Variants in TTC19 observed in about 807,000 individuals in gnomAD.
The protein encoded by TTC19 is tetratricopeptide repeat domain 19, also known as tetratricopeptide repeat protein 19, mitochondrial.
A neutral mutation model predicts 49.5 loss-of-function variants in TTC19; 38 were observed. That is an observed-to-expected ratio of 0.77 (90% CI 0.59 to 1.01). The LOEUF (loss-of-function observed/expected upper bound fraction) is 1.01, where lower values mean the gene tolerates loss of function less well. Among genes scored for constraint, TTC19 ranks in the 50% least tolerant of loss-of-function variants. The probability of loss-of-function intolerance (pLI) is 0.00; values close to 1 mark genes in which losing one functional copy is unlikely to be tolerated. For missense variants in TTC19, 475 were observed against 477.7 expected (o/e 0.99, Z 0.05); for synonymous variants, 204 against 185.2 (o/e 1.10, Z -0.83).
chr17:16,039,892 G>A (rs898950286), intron 2 of TTC19: 4 of 457,256 alleles, frequency 8.7e-6, no homozygotes, highest in Admixed American at 6.8e-5. Flanking sequence ...CCAGATTCAA[G>A]GGATTCTCCT....
chr17:16,025,295 C>A, intron 8 of TTC19, 124 bp downstream of exon 8: 1 of 1,003,718 alleles, frequency 1.0e-6, no homozygotes, highest in Non-Finnish European at 1.5e-6. Context: ...GGTCCCCAGT[C>A]TACTCATTTT....
At position 16,028,838 on chromosome 17, in the gene TTC19, A is replaced by AAAAAAAAAC. The variant is rs756677769; in HGVS notation, c.*1317_*1325dup. On this transcript the variant is annotated 3_prime_UTR_variant, in exon 10 of 10. Transcript: ENST00000261647. ...TTTCTCAAAAAAAAAAAAAAAAAAAAAAAAAAAACTTTCTGAAGAAAATAA... is the reference window on the plus strand; with the variant it reads ...TTTCTCAAAAAAAAAAAAAAAAAAAAAAAAAAAACAAAAAAAACTTTCTGAAGAAAATAA... The AAAAAAAAAC allele has an allele frequency of 5.3e-6, 2 of 377,236 alleles. No individual in the cohort carries two copies. The highest frequency in any genetic ancestry group is 1.9e-5 in the South Asian group (1 of 51,340). 23.4% of individuals were successfully genotyped at this position (377,236 alleles called of 1,614,324 possible).
At chr17:16,030,852 C>T (rs1036503375), downstream of TTC19, 1 of 187,330 alleles carries the variant, frequency 5.3e-6, no homozygotes, top group Non-Finnish European at 1.1e-5. Context: ...AGAGCTGCTT[C>T]CTTAAAAGCC....
intron 7 of TTC19, among the ~76,000 whole-genome samples, chr17:16,017,654 G>A (rs955038616): frequency 6.6e-5 from 10 of 151,916 alleles, no homozygotes; most frequent in African/African-American, 2.2e-4. Flanking sequence ...TCAGCTACTC[G>A]GGAGGCTGAA....
In TTC19 at chr17:16,000,142, C is replaced by T. The variant is rs1460960356; in HGVS notation, c.209C>T (p.Ala70Val). The T allele has an allele frequency of 6.3e-7, 1 of 1,580,122 alleles. No homozygotes were observed. Among genetic ancestry groups the T allele is most frequent in the East Asian group, 2.3e-5 (1 of 44,218 alleles). The change falls in exon 2 of 10, where the codon GCT (alanine) becomes GTT (valine). Residue 70 changes from alanine (A) to valine (V), a missense_variant. Ala to Val is a moderately conservative substitution (Grantham distance 64). Coordinates refer to ENST00000261647, the MANE Select transcript of TTC19 (RefSeq NM_017775.4). ...LAALAWFSRPAAAEEEEQQGA... is the reference protein window; with the variant it reads ...LAALAWFSRPVAAEEEEQQGA... ...GCGCTCGCCTGGTTCTCGAGGCCCGCTGCGGCAGAGGAGGAGGAGCAGCAG... is the reference window on the plus strand; with the variant it reads ...GCGCTCGCCTGGTTCTCGAGGCCCGTTGCGGCAGAGGAGGAGGAGCAGCAG...
chr17:16,011,837 T>C (rs1386332766), intron 7 of TTC19, among the ~76,000 whole-genome samples: 1 of 152,214 alleles, frequency 6.6e-6, no homozygotes, highest in Non-Finnish European at 1.5e-5. Context: ...AATGAGTTAA[T>C]ACATAAAACG....
At chr17:16,008,176 A>C (rs1258608458) in intron 7 of TTC19, among the ~76,000 whole-genome samples, 1 of 152,138 alleles carries the variant, frequency 6.6e-6, no homozygotes, top group Non-Finnish European at 1.5e-5. Context: ...CCATAGTTTT[A>C]AATATTAGAT....
Position 16,028,422 on chromosome 17 carries a change from G to T in TTC19, c.*900G>T, listed in dbSNP as rs1324445298. ...CCTGGATCTTAGTCCTAGCCTTTTT[G>T]CTTTTGCAATTTCAGTATCTTCATC... On this transcript the variant is annotated 3_prime_UTR_variant, in exon 10 of 10. Transcript: ENST00000261647. 1 of 453,838 alleles carries T rather than the reference G, an allele frequency of 2.2e-6. No individual in the cohort carries two copies. The highest frequency in any genetic ancestry group is 4.4e-6 in the Non-Finnish European group (1 of 226,754). The allele number at this position is 453,838 out of a possible 1,614,324, so 28.1% of individuals were successfully genotyped here. A position where few individuals can be genotyped will look rare whatever the true frequency, so the allele number is the denominator to read the frequency against.
intron 2 of TTC19, among the ~76,000 whole-genome samples, chr17:16,044,184 A>AG (rs2058254612): frequency 6.6e-6 from 1 of 151,654 alleles, no homozygotes; most frequent in Non-Finnish European, 1.5e-5. Context: ...AAAAAAAAAA[A>AG]AAAAGAAAGA....
chr17:16,038,090 A>G (rs1016958828), intron 2 of TTC19, among the ~76,000 whole-genome samples: 1 of 152,186 alleles, frequency 6.6e-6, no homozygotes, highest in Non-Finnish European at 1.5e-5. Context: ...TAAGACCTCT[A>G]ATCTCTTTAA....
At chr17:16,022,022 G>GT (rs1597465564) in intron 7 of TTC19, among the ~76,000 whole-genome samples, 1 of 152,228 alleles carries the variant, frequency 6.6e-6, no homozygotes, top group East Asian at 1.9e-4. Context: ...TGTGCCTGTG[G>GT]TCGGGGGGTT....
At chr17:16,027,250 C>T (rs1971591622) in intron 9 of TTC19, 124 bp from the exon 10 acceptor site, 1 of 1,141,188 alleles carries the variant, frequency 8.8e-7, no homozygotes, top group African/African-American at 1.5e-5. Context: ...TGAGGCAGCA[C>T]CAGCTTGTCG....
chr17:16,006,516 T>G lies in TTC19; in HGVS notation c.624T>G (p.Thr208=). ...AVAGYEFCIS[T]LEEKIEREKE... is the part of the protein sequence containing the mutation. ...CTGGCTATGAATTCTGCATTTCAACTCTAGAGGAAAAAATTGAAAGAGAAA... is the reference window on the plus strand; with the variant it reads ...CTGGCTATGAATTCTGCATTTCAACGCTAGAGGAAAAAATTGAAAGAGAAA... The change falls in exon 7 of 10, where the codon ACT becomes ACG. Residue 208 remains threonine (T), a synonymous_variant. Transcript: ENST00000261647. 1.2e-6 allele frequency: 2 copies of G among 1,613,738 alleles called. No individual in the cohort carries two copies. The highest frequency in any genetic ancestry group is 8.5e-7 in the Non-Finnish European group (1 of 1,179,820).
intron 7 of TTC19, among the ~76,000 whole-genome samples, chr17:16,008,279 A>T (rs1970969852): frequency 6.6e-6 from 1 of 152,200 alleles, no homozygotes; most frequent in Non-Finnish European, 1.5e-5. Flanking sequence ...TGGTCATCTC[A>T]TACTTAACAT....
chr17:16,022,426 T>C (rs928491726), intron 7 of TTC19, among the ~76,000 whole-genome samples: 4 of 152,242 alleles, frequency 2.6e-5, no homozygotes, highest in African/African-American at 9.6e-5. Context: ...CAGAAAGTGC[T>C]AATCAGTTGA....
intron 2 of TTC19, chr17:16,040,083 C>T: frequency 2.1e-6 from 1 of 466,602 alleles, no homozygotes; most frequent in Non-Finnish European, 4.2e-6. Flanking sequence ...AGCCACCGCA[C>T]CCAGCCCAGA....
At chr17:16,040,363 G>C (rs1247274873) in intron 2 of TTC19, 1 of 1,146,084 alleles carries the variant, frequency 8.7e-7, no homozygotes. Flanking sequence ...GTATACAGTT[G>C]GTACTCAGTA....
intron 2 of TTC19, chr17:16,034,712 GACATT>G: frequency 2.1e-6 from 3 of 1,460,492 alleles, no homozygotes; most frequent in Non-Finnish European, 2.8e-6. Flanking sequence ...TAATAACCAA[GACATT>G]GATATTATTG....
At chr17:16,006,427 A>G in intron 6 of TTC19, 47 bp from the exon 7 acceptor site, 2 of 1,400,580 alleles carry the variant, frequency 1.4e-6, no homozygotes, top group Admixed American at 1.7e-5. Context: ...AGGAAGAAAA[A>G]AAAAAGAAGA....
Sources: gnomAD v4.1 joint callset for allele counts (sites outside exome capture counted in the v4.1 genomes callset) on GRCh38, gnomAD v4.1.1 for gene constraint, MANE v1.5 for transcripts, NCBI Gene and HGNC (gene_info 2026-07-23, HGNC 2026-07-21) for gene names.